ARFGEF2: variants seen among roughly 807,000 people sequenced by gnomAD.
ARFGEF2 encodes ARF guanine nucleotide exchange factor 2.
A neutral mutation model predicts 219.9 loss-of-function variants in ARFGEF2; 74 were observed. The observed-to-expected ratio is 0.34, with a 90% confidence interval of 0.28 to 0.41. The LOEUF (loss-of-function observed/expected upper bound fraction) is 0.41, where lower values mean the gene tolerates loss of function less well. ARFGEF2 is among the 10% of genes least tolerant of loss of function. ARFGEF2 has a pLI of 1.00. For missense variants in ARFGEF2, 1,743 were observed against 2,218.3 expected (o/e 0.79, Z 4.30); for synonymous variants, 733 against 799.2 (o/e 0.92, Z 1.40).
intron 36 of ARFGEF2, among the ~76,000 whole-genome samples, chr20:49,026,391 A>G (rs923500295): frequency 5.3e-5 from 8 of 152,096 alleles, no homozygotes; most frequent in Non-Finnish European, 1.0e-4. Context: ...AAAGTGTGGT[A>G]GTCTAGGAAA....
intron 15 of ARFGEF2, 169 bp downstream of exon 15, chr20:48,985,009 C>A (rs751547999): frequency 9.6e-6 from 7 of 728,794 alleles, no homozygotes; most frequent in Non-Finnish European, 1.0e-5. Flanking sequence ...CTGTGTATCC[C>A]GTTGGCTAGT....
chr20:48,942,506 T>C lies in ARFGEF2; in HGVS notation c.276+519T>C, dbSNP rs530930481. On this transcript the variant is annotated intron_variant, in intron 3 of 38. Transcript: ENST00000371917. Reference sequence around the variant, plus strand: ...TTTTTTTTTTTTTTTTTTTTGGAGATGGAGGTTTGCTCTTGTTGCCCAGAC... The same window carrying C: ...TTTTTTTTTTTTTTTTTTTTGGAGACGGAGGTTTGCTCTTGTTGCCCAGAC... 4.1e-3 allele frequency among the ~76,000 whole-genome samples: 508 copies of C among 122,836 alleles called. 4 individuals are homozygous for C. Among genetic ancestry groups the C allele is most frequent in the African/African-American group, 0.016 (491 of 30,114 alleles). 80.6% of individuals were successfully genotyped at this position (122,836 alleles called of 152,430 possible).
intron 1 of ARFGEF2, among the ~76,000 whole-genome samples, chr20:48,937,144 G>A (rs2090963592): frequency 6.6e-6 from 1 of 152,114 alleles, no homozygotes. Context: ...CCACCTGCAC[G>A]GGCTCTGTCC....
chr20:48,988,552 A>G lies in ARFGEF2; in HGVS notation c.2423A>G (p.Lys808Arg), dbSNP rs770983635. ...ATGAATCGGGGTATCAATGATAGTA[A>G]AGATCTGCCAGAAGAGTATCTCTCA... ...IKMNRGINDS[K>R]DLPEEYLSSI... The change falls in exon 18 of 39, where the codon AAA becomes AGA. Residue 808 changes from lysine to arginine, a missense_variant. This residue lies in a region of ARFGEF2 where 666 missense variants were observed against 955.4 expected (regional missense o/e 0.70). Coordinates refer to ENST00000371917, the MANE Select transcript of ARFGEF2 (RefSeq NM_006420.3). 1.1e-5 allele frequency: 17 copies of G among 1,613,698 alleles called. No individual in the cohort carries two copies. Among genetic ancestry groups the G allele is most frequent in the Non-Finnish European group, 1.4e-5 (16 of 1,179,826 alleles).
Position 48,953,780 on chromosome 20 carries a change from A to T in ARFGEF2, c.828A>T (p.Ser276=), listed in dbSNP as rs2091088298. Residue 276 remains serine (S), a synonymous_variant, in exon 6 of 39, where the codon TCA becomes TCT. Transcript: ENST00000371917. ...GAGACGCACCCAGAGAAAGAGGCTC[A>T]TCACTGTCAGGTACGGGCTGATACG... ...ENGDAPRERG[S]SLSGTDDGAQ... 3 of 1,613,972 alleles carry T rather than the reference A, an allele frequency of 1.9e-6. No homozygotes were observed. In the African/African-American group the frequency reaches 4.0e-5, roughly 22 times the overall value.
intron 36 of ARFGEF2, among the ~76,000 whole-genome samples, chr20:49,027,325 G>A (rs1010163960): frequency 6.6e-6 from 1 of 152,030 alleles, no homozygotes; most frequent in African/African-American, 2.4e-5. Flanking sequence ...GAGCCGCTGC[G>A]CCCAGCCTAG....
intron 3 of ARFGEF2, among the ~76,000 whole-genome samples, chr20:48,950,807 AAAAAAT>A (rs1384234368): frequency 4.9e-3 from 218 of 44,742 alleles, no homozygotes; most frequent in African/African-American, 0.018. Flanking sequence ...AAAAAAAAAA[AAAAAAT>A]ATATATATAT....
chr20:48,971,111 C>A lies in ARFGEF2; in HGVS notation c.1191-9C>A, dbSNP rs1314921200. On this transcript the variant is annotated splice_polypyrimidine_tract_variant and intron_variant, in intron 9 of 38. Transcript: ENST00000371917. ...TAGCACTGTTGTGGTTTTTCATTTT[C>A]TTTGCCAGATCCCATGAGCTGCGTT... 3 of 1,613,102 alleles carry A rather than the reference C, an allele frequency of 1.9e-6. No homozygotes were observed. The highest frequency in any genetic ancestry group is 2.5e-6 in the Non-Finnish European group (3 of 1,179,234).
intron 26 of ARFGEF2, among the ~76,000 whole-genome samples, chr20:49,010,008 C>G (rs1478904419): frequency 6.6e-6 from 1 of 152,152 alleles, no homozygotes; most frequent in Non-Finnish European, 1.5e-5. Context: ...GGGTCAGCTT[C>G]TCAACCTTGA....
chr20:49,036,010 T>A lies in ARFGEF2; in HGVS notation c.*2811T>A, dbSNP rs1405463939. ...TACGAAATGAAAAAAAAAAAACCTG[T>A]ATTTTTTTTGTTGTTCTTTTGTGAT... On this transcript the variant is annotated 3_prime_UTR_variant, in exon 39 of 39. Coordinates refer to ENST00000371917, the MANE Select transcript of ARFGEF2 (RefSeq NM_006420.3). 5.1e-6 allele frequency: 2 copies of A among 394,834 alleles called. No homozygotes were observed. The highest frequency in any genetic ancestry group is 8.8e-5 in the Admixed American group (2 of 22,634). 24.5% of individuals were successfully genotyped at this position (394,834 alleles called of 1,614,324 possible).
At chr20:49,021,991 T>C (rs1303069423) in intron 34 of ARFGEF2, among the ~76,000 whole-genome samples, 1 of 149,950 alleles carries the variant, frequency 6.7e-6, no homozygotes, top group East Asian at 2.0e-4. Flanking sequence ...CTCCTAAAAT[T>C]ACAAAAAACT....
rs2091662344 is a variant in ARFGEF2 at position 49,035,685 on chromosome 20, T to G, written c.*2486T>G. On this transcript the variant is annotated 3_prime_UTR_variant, in exon 39 of 39. Transcript: ENST00000371917. ...AGTGAAACATTTTCCAAGGCCTTAT[T>G]TCTTTTTCAGAATGCTTTAAGTGTT... 1 of 152,480 alleles carries G rather than the reference T, an allele frequency of 6.6e-6. No individual in the cohort carries two copies. The highest frequency in any genetic ancestry group is 1.5e-5 in the Non-Finnish European group (1 of 68,256). The allele number at this position is 152,480 out of a possible 1,614,324, so 9.4% of individuals were successfully genotyped here. A position where few individuals can be genotyped will look rare whatever the true frequency, so the allele number is the denominator to read the frequency against.
At chr20:48,970,730 G>A (rs1321889798) in intron 9 of ARFGEF2, among the ~76,000 whole-genome samples, 1 of 152,214 alleles carries the variant, frequency 6.6e-6, no homozygotes, top group Non-Finnish European at 1.5e-5. Flanking sequence ...AGGGAGGGCT[G>A]TGAGGTAGGT....
rs898718117 is a variant in ARFGEF2 at position 49,026,646 on chromosome 20, C to T, written c.4924+1165C>T. Among the ~76,000 whole-genome samples the T allele has an allele frequency of 1.4e-4, 20 of 146,038 alleles. No individual in the cohort carries two copies. The East Asian group carries it at 2.6e-3, about 19-fold the overall frequency. On this transcript the variant is annotated intron_variant, in intron 36 of 38. Coordinates refer to ENST00000371917, the MANE Select transcript of ARFGEF2 (RefSeq NM_006420.3). Reference sequence around the variant, plus strand: ...TGTTGCCCAGGCTGGAGTGCAGTGGCGCAGTCTCGGCTCACTGCAGTCTCT... The same window carrying T: ...TGTTGCCCAGGCTGGAGTGCAGTGGTGCAGTCTCGGCTCACTGCAGTCTCT...
chr20:48,922,027 C>T lies in ARFGEF2; in HGVS notation c.121+17C>T, dbSNP rs1311836095. 1.3e-6 allele frequency: 2 copies of T among 1,569,782 alleles called. No individual in the cohort carries two copies. The highest frequency in any genetic ancestry group is 1.7e-6 in the Non-Finnish European group (2 of 1,158,136). ...TGGCGCTCGGTGGGTGAGCCGCTCC[C>T]GCCCTGCCCCGCGCTGGCCTCAGCA... On this transcript the variant is annotated intron_variant, in intron 1 of 38. Transcript: ENST00000371917.
intron 30 of ARFGEF2, among the ~76,000 whole-genome samples, chr20:49,014,821 A>C (rs2091520742): frequency 6.6e-6 from 1 of 152,180 alleles, no homozygotes; most frequent in Non-Finnish European, 1.5e-5. Context: ...AATCTTTTTA[A>C]ATTTAAATAT....
At position 48,985,557 on chromosome 20, in the gene ARFGEF2, A is replaced by G. The variant is rs111446343; in HGVS notation, c.2220A>G (p.Gln740=). ...GTTTCCGCCTACCTGGAGAAGCCCA[A>G]AAGATTGACCGATTAATGGAGAAGT... ...LEGFRLPGEA[Q]KIDRLMEKFA... Residue 740 remains glutamine (Q), a synonymous_variant, in exon 16 of 39, where the codon CAA becomes CAG. Transcript: ENST00000371917. The G allele has an allele frequency of 9.3e-6, 15 of 1,614,094 alleles. No homozygotes were observed. The East Asian group carries it at 2.4e-4, about 26-fold the overall frequency.
intron 3 of ARFGEF2, among the ~76,000 whole-genome samples, chr20:48,949,971 C>T (rs1221604096): frequency 6.6e-6 from 1 of 152,144 alleles, no homozygotes; most frequent in African/African-American, 2.4e-5. Context: ...AACACTGATT[C>T]CTGGGCTCCA....
intron 33 of ARFGEF2, 43 bp downstream of exon 33, chr20:49,017,593 A>G (rs1259420938): frequency 1.2e-6 from 2 of 1,606,702 alleles, no homozygotes; most frequent in South Asian, 2.2e-5. Context: ...TCTTTTTTCT[A>G]TCTTAGTAAA....
Sources: gnomAD v4.1 joint callset for allele counts (sites outside exome capture counted in the v4.1 genomes callset) on GRCh38, gnomAD v4.1.1 for gene constraint, gnomAD v4.1.1 regional missense constraint, MANE v1.5 for transcripts, NCBI Gene and HGNC (gene_info 2026-07-23, HGNC 2026-07-21) for gene names.